BCAT1: variants seen among roughly 807,000 people sequenced by gnomAD.
BCAT1 encodes branched-chain-amino-acid aminotransferase, cytosolic.
A neutral mutation model predicts 52.4 loss-of-function variants in BCAT1; 48 were observed. The ratio of observed to expected loss-of-function variants is 0.92; its 90% CI spans 0.73 to 1.16. The LOEUF is 1.16. BCAT1 is among the 50% of genes most tolerant of loss of function. The probability of loss-of-function intolerance (pLI) is 0.00; values close to 1 mark genes in which losing one functional copy is unlikely to be tolerated. For missense variants in BCAT1, 451 were observed against 457.1 expected, an observed-to-expected ratio of 0.99 and a Z score of 0.12; for synonymous variants, 167 against 161.3, an observed-to-expected ratio of 1.04 and a Z score of -0.27.
At chr12:24,913,759 T>C (rs1943364764) in intron 1 of BCAT1, among the ~76,000 whole-genome samples, 1 of 152,226 alleles carries the variant, frequency 6.6e-6, no homozygotes. Flanking sequence ...TGGACCCTTC[T>C]TGCCTCTCTG....
chr12:24,913,839 C>A (rs574537269), intron 1 of BCAT1, among the ~76,000 whole-genome samples: 1 of 152,230 alleles, frequency 6.6e-6, no homozygotes, highest in African/African-American at 2.4e-5. Context: ...AACCTTCAGT[C>A]AAACAAAGTG....
chr12:24,868,324 GA>G (rs1942084401), intron 5 of BCAT1, among the ~76,000 whole-genome samples: 1 of 150,956 alleles, frequency 6.6e-6, no homozygotes, highest in African/African-American at 2.4e-5. Flanking sequence ...CCACATCTAG[GA>G]AAATGGAAAA....
At chr12:24,901,947 C>G in intron 1 of BCAT1, 62 bp from the exon 2 acceptor site, 1 of 1,613,046 alleles carries the variant, frequency 6.2e-7, no homozygotes, top group South Asian at 1.1e-5. Context: ...CCCGGGGTAA[C>G]CTACGTGACG....
intron 2 of BCAT1, among the ~76,000 whole-genome samples, chr12:24,898,036 A>C (rs961176654): frequency 2.6e-5 from 4 of 152,216 alleles, no homozygotes; most frequent in African/African-American, 9.6e-5. Context: ...AATAAAGTTC[A>C]AACGTAAACA....
chr12:24,929,120 T>C (rs569442076), intron 1 of BCAT1, among the ~76,000 whole-genome samples: 6 of 152,146 alleles, frequency 3.9e-5, no homozygotes, highest in Non-Finnish European at 7.3e-5. Context: ...AATCAGATCA[T>C]TGTAACTAGG....
chr12:24,920,242 T>C (rs1943482233), intron 1 of BCAT1, among the ~76,000 whole-genome samples: 1 of 152,176 alleles, frequency 6.6e-6, no homozygotes, highest in Non-Finnish European at 1.5e-5. Context: ...CTTTAGACCT[T>C]GTGAGGTAAT....
intron 10 of BCAT1, among the ~76,000 whole-genome samples, chr12:24,826,442 G>A (rs746053629): frequency 6.6e-6 from 1 of 152,148 alleles, no homozygotes; most frequent in Non-Finnish European, 1.5e-5. Context: ...TGAGTTGGTT[G>A]TAAACATGTG....
chr12:24,933,663 C>G (rs985191098), intron 1 of BCAT1, among the ~76,000 whole-genome samples: 23 of 151,810 alleles, frequency 1.5e-4, no homozygotes, highest in African/African-American at 5.6e-4. Context: ...GGGTATATAC[C>G]CCAGGTTCAT....
At chr12:24,898,131 C>T (rs932615050) in intron 2 of BCAT1, among the ~76,000 whole-genome samples, 12 of 152,068 alleles carry the variant, frequency 7.9e-5, no homozygotes, top group African/African-American at 2.9e-4. Flanking sequence ...CTAAAGGAAA[C>T]AAATTTTATA....
chr12:24,821,147 T>A (rs1192832826), intron 10 of BCAT1, among the ~76,000 whole-genome samples: 1 of 152,128 alleles, frequency 6.6e-6, no homozygotes, highest in Non-Finnish European at 1.5e-5. Flanking sequence ...GCCTTTAACT[T>A]CTTATGTAAC....
chr12:24,869,157 A>G (rs2139553866), intron 5 of BCAT1, among the ~76,000 whole-genome samples: 1 of 152,342 alleles, frequency 6.6e-6, no homozygotes, highest in Admixed American at 6.5e-5. Flanking sequence ...AGTATTGGCA[A>G]AGAAATGAAG....
intron 1 of BCAT1, among the ~76,000 whole-genome samples, chr12:24,930,520 G>A (rs531708041): frequency 9.2e-5 from 14 of 152,270 alleles, no homozygotes; most frequent in Admixed American, 3.9e-4. Flanking sequence ...GCTATGTTCC[G>A]TACACCAGTG....
intron 5 of BCAT1, among the ~76,000 whole-genome samples, chr12:24,872,168 T>A (rs1942199609): frequency 1.3e-5 from 2 of 152,176 alleles, no homozygotes; most frequent in African/African-American, 4.8e-5. Context: ...AGGAAAATAT[T>A]TTTCATGGGA....
intron 3 of BCAT1, 108 bp from the exon 4 acceptor site, chr12:24,881,519 T>A: frequency 1.5e-6 from 1 of 667,874 alleles, no homozygotes; most frequent in East Asian, 2.7e-5. Flanking sequence ...CATAAAGCTG[T>A]TGACATTGAC....
intron 1 of BCAT1, among the ~76,000 whole-genome samples, chr12:24,923,034 T>G (rs1414848226): frequency 6.6e-6 from 1 of 152,158 alleles, no homozygotes; most frequent in Non-Finnish European, 1.5e-5. Context: ...TGTAAAATAT[T>G]ACTTACTAGG....
chr12:24,875,312 T>C (rs1033023113), intron 5 of BCAT1, among the ~76,000 whole-genome samples: 1 of 152,252 alleles, frequency 6.6e-6, no homozygotes, highest in African/African-American at 2.4e-5. Context: ...ATTTGTATCA[T>C]GTTCCTTTCT....
intron 5 of BCAT1, among the ~76,000 whole-genome samples, chr12:24,859,618 CAA>C (rs71063366): frequency 0.52 from 48,650 of 92,724 alleles, 8,979 homozygotes; most frequent in East Asian, 0.69. Context: ...AGACTCGTCT[CAA>C]AAAAAAAAAA....
chr12:24,820,280 C>T (rs1357481252), intron 10 of BCAT1, among the ~76,000 whole-genome samples: 2 of 152,062 alleles, frequency 1.3e-5, no homozygotes, highest in African/African-American at 4.8e-5. Context: ...CTGAGAAGTG[C>T]CCAAGAAATG....
chr12:24,819,898 A>G (rs1940045090), intron 10 of BCAT1, among the ~76,000 whole-genome samples: 1 of 152,208 alleles, frequency 6.6e-6, no homozygotes, highest in African/African-American at 2.4e-5. Context: ...TGCTGGATGA[A>G]ACATCTTCAA....
Sources: allele counts gnomAD v4.1 joint callset (sites outside exome capture counted in the v4.1 genomes callset), GRCh38; gene constraint gnomAD v4.1.1; transcripts MANE v1.5; gene names NCBI Gene and HGNC (gene_info 2026-07-23, HGNC 2026-07-21).